The following MAGI2 variants were observed in gnomAD, a reference collection of about 807,000 sequenced individuals.
MAGI2 encodes the protein membrane associated guanylate kinase, WW and PDZ domain containing 2, also known as membrane-associated guanylate kinase, WW and PDZ domain-containing protein 2.
MAGI2 carries 35 observed loss-of-function variants against 133.3 expected under a neutral mutation model. The ratio of observed to expected loss-of-function variants is 0.26; its 90% CI spans 0.20 to 0.35. The LOEUF (loss-of-function observed/expected upper bound fraction) is 0.35. Among genes scored for constraint, MAGI2 ranks in the 10% least tolerant of loss-of-function variants. The probability of loss-of-function intolerance (pLI) is 1.00; values close to 1 mark genes in which losing one functional copy is unlikely to be tolerated. For missense variants in MAGI2, 1,636 were observed against 1,863.4 expected, an observed-to-expected ratio of 0.88 and a Z score of 2.25; for synonymous variants, 729 against 710.6, an observed-to-expected ratio of 1.03 and a Z score of -0.41.
chr7:78,897,016 T>C (rs1198713041), intron 2 of MAGI2, among the ~76,000 whole-genome samples: 1 of 152,152 alleles, frequency 6.6e-6, no homozygotes, highest in African/African-American at 2.4e-5. Flanking sequence ...AAGGAATATA[T>C]TTTATAAATG....
At chr7:79,068,317 C>T (rs1013581692) in intron 1 of MAGI2, among the ~76,000 whole-genome samples, 1 of 152,256 alleles carries the variant, frequency 6.6e-6, no homozygotes, top group Middle Eastern at 3.4e-3. Flanking sequence ...TCAACGTCTT[C>T]CTGGTTTAGA....
chr7:79,430,131 T>C (rs1208242526), intron 1 of MAGI2, among the ~76,000 whole-genome samples: 1 of 152,104 alleles, frequency 6.6e-6, no homozygotes, highest in African/African-American at 2.4e-5. Flanking sequence ...TAAATTAGTA[T>C]TTGCTAAATA....
chr7:78,413,465 A>C (rs1479735627), intron 6 of MAGI2, among the ~76,000 whole-genome samples: 1 of 151,962 alleles, frequency 6.6e-6, no homozygotes, highest in African/African-American at 2.4e-5. Flanking sequence ...GAATGGAAGA[A>C]CAGGAGAGTA....
chr7:78,877,041 T>C (rs1349154416), intron 2 of MAGI2, among the ~76,000 whole-genome samples: 15 of 152,214 alleles, frequency 9.9e-5, no homozygotes, highest in Admixed American at 8.5e-4. Context: ...CATCTTTGAC[T>C]GTTTTGAGCT....
intron 1 of MAGI2, among the ~76,000 whole-genome samples, chr7:79,371,779 A>T (rs1843069019): frequency 6.6e-6 from 1 of 152,156 alleles, no homozygotes. Flanking sequence ...GCTTATAGAC[A>T]GTTCTCAAAC....
In MAGI2 at chr7:78,869,965, A is replaced by G. The variant is rs148029071; in HGVS notation, c.418+137125T>C. ...CATTGGTCTTTGTGCCTGTTTTTCT[A>G]CCAGTACCATTCTGCTTTGGTAACT... On this transcript the variant is annotated intron_variant, in intron 2 of 21. Transcript: ENST00000354212. Among the ~76,000 whole-genome samples, 67 of 152,250 alleles carry G rather than the reference A, an allele frequency of 4.4e-4. No individual in the cohort carries two copies. The East Asian group carries it at 0.012, about 27-fold the overall frequency.
chr7:79,207,942 C>T (rs183132779), intron 1 of MAGI2, among the ~76,000 whole-genome samples: 9 of 151,970 alleles, frequency 5.9e-5, no homozygotes, highest in African/African-American at 2.2e-4. Context: ...TGAGAAATGC[C>T]AGTCTTTCCA....
intron 1 of MAGI2, among the ~76,000 whole-genome samples, chr7:79,270,616 G>T (rs1834805517): frequency 6.6e-6 from 1 of 152,144 alleles, no homozygotes; most frequent in African/African-American, 2.4e-5. Context: ...ATGACTTCAA[G>T]TGTTATACAG....
chr7:78,049,059 G>T (rs1032508877), intron 21 of MAGI2, among the ~76,000 whole-genome samples: 12 of 150,156 alleles, frequency 8.0e-5, no homozygotes, highest in South Asian at 6.3e-4. Context: ...AGTGAACTGA[G>T]ATTGCACCAC....
intron 2 of MAGI2, among the ~76,000 whole-genome samples, chr7:78,675,699 A>C (rs1814946530): frequency 1.3e-5 from 2 of 152,162 alleles, no homozygotes; most frequent in South Asian, 4.1e-4. Context: ...AAATCTGTTT[A>C]GAAATTGTAA....
intron 11 of MAGI2, among the ~76,000 whole-genome samples, chr7:78,198,738 C>A (rs1339332909): frequency 6.6e-6 from 1 of 152,200 alleles, no homozygotes; most frequent in Non-Finnish European, 1.5e-5. Flanking sequence ...CCCCTACTCC[C>A]ATGAAATGCT....
At chr7:79,242,134 A>G (rs925813869) in intron 1 of MAGI2, among the ~76,000 whole-genome samples, 2 of 152,208 alleles carry the variant, frequency 1.3e-5, no homozygotes, top group African/African-American at 4.8e-5. Flanking sequence ...TATGGTGATT[A>G]TAGTTAATAA....
chr7:79,272,259 CTT>C (rs1834933468), intron 1 of MAGI2, among the ~76,000 whole-genome samples: 1 of 152,080 alleles, frequency 6.6e-6, no homozygotes, highest in African/African-American at 2.4e-5. Flanking sequence ...GAATTCTACT[CTT>C]TGACCAATAG....
At chr7:78,354,424 A>G (rs533333920) in intron 7 of MAGI2, among the ~76,000 whole-genome samples, 6 of 152,196 alleles carry the variant, frequency 3.9e-5, no homozygotes, top group African/African-American at 1.4e-4. Context: ...TACCAAGGAC[A>G]CTCAGAATAC....
At chr7:78,049,528 AGTTAC>A (rs1308409683) in intron 21 of MAGI2, among the ~76,000 whole-genome samples, 2 of 152,196 alleles carry the variant, frequency 1.3e-5, no homozygotes, top group Non-Finnish European at 2.9e-5. Context: ...AGAGCTCGGT[AGTTAC>A]TCTTGTAATC....
intron 2 of MAGI2, among the ~76,000 whole-genome samples, chr7:78,921,714 C>A (rs1584397728): frequency 6.6e-6 from 1 of 152,034 alleles, no homozygotes. Context: ...TCACTGCAAC[C>A]TCCACTGCCT....
intron 13 of MAGI2, among the ~76,000 whole-genome samples, chr7:78,180,378 C>T (rs911899382): frequency 1.3e-5 from 2 of 152,032 alleles, no homozygotes; most frequent in Admixed American, 6.6e-5. Flanking sequence ...AAAGAAATGC[C>T]GAAATTATGA....
chr7:79,061,297 A>G (rs56654551), intron 1 of MAGI2, among the ~76,000 whole-genome samples: 6,555 of 136,728 alleles, frequency 0.048, 454 homozygotes, highest in African/African-American at 0.2. Context: ...GGACTGTTAG[A>G]AAAAAAAAAA....
intron 2 of MAGI2, among the ~76,000 whole-genome samples, chr7:78,875,709 A>T (rs1795364826): frequency 6.6e-6 from 1 of 152,232 alleles, no homozygotes; most frequent in Non-Finnish European, 1.5e-5. Flanking sequence ...AAGAATGAGT[A>T]GTGACCCACA....
Sources: gnomAD v4.1 joint callset for allele counts (sites outside exome capture counted in the v4.1 genomes callset) on GRCh38, gnomAD v4.1.1 for gene constraint, MANE v1.5 for transcripts, NCBI Gene and HGNC (gene_info 2026-07-23, HGNC 2026-07-21) for gene names.